LRIF1: variants seen among roughly 807,000 people sequenced by gnomAD.
LRIF1 encodes ligand-dependent nuclear receptor-interacting factor 1.
Under a neutral mutation model 52.7 loss-of-function variants are expected in LRIF1, and 32 were observed. The ratio of observed to expected loss-of-function variants is 0.61; its 90% CI spans 0.46 to 0.82. LRIF1 has a LOEUF of 0.82. Ranked by LOEUF, LRIF1 falls within the 40% of genes least tolerant of loss-of-function variation. LRIF1 has a pLI of 0.00. For synonymous variants in LRIF1, 323 were observed against 317.4 expected (o/e 1.02, Z -0.19); for missense variants, 887 against 892.0 (o/e 0.99, Z 0.07).
chr1:110,941,983 CTT>C, the LRIF1 span: 1 of 152,104 alleles, frequency 6.6e-6, no homozygotes, highest in Middle Eastern at 3.4e-3. Flanking sequence ...TATGGATACT[CTT>C]TTGTGCTTTG....
chr1:110,917,643 TTTTTG>T, the LRIF1 span, among the ~76,000 whole-genome samples: 43 of 86,342 alleles, frequency 5.0e-4, no homozygotes, highest in African/African-American at 8.3e-4. Context: ...TGTTTTTTTG[TTTTTG>T]TTTTTTTTTT....
chr1:110,954,330 G>C (rs532361646), intron 1 of LRIF1, among the ~76,000 whole-genome samples: 2 of 152,072 alleles, frequency 1.3e-5, no homozygotes, highest in Non-Finnish European at 2.9e-5. Flanking sequence ...ATCCAGACTG[G>C]AGTGTAGGTG....
chr1:110,886,869 A>ATCTATATTTT, the LRIF1 span, among the ~76,000 whole-genome samples: 1 of 82,800 alleles, frequency 1.2e-5, no homozygotes, highest in Non-Finnish European at 2.2e-5. Flanking sequence ...ATATATATAT[A>ATCTATATTTT]TTTTTTTTTT....
chr1:110,877,798 G>C, the LRIF1 span, among the ~76,000 whole-genome samples: 1 of 152,322 alleles, frequency 6.6e-6, no homozygotes, highest in African/African-American at 2.4e-5. Flanking sequence ...GAGAGTTGAT[G>C]CTTTGGCTTC....
the LRIF1 span, among the ~76,000 whole-genome samples, chr1:110,884,576 C>G: frequency 6.6e-6 from 1 of 152,094 alleles, no homozygotes; most frequent in African/African-American, 2.4e-5. Flanking sequence ...TCAAGTATAA[C>G]TTATACTTGT....
chr1:110,897,519 G>A, the LRIF1 span, among the ~76,000 whole-genome samples: 2 of 152,318 alleles, frequency 1.3e-5, no homozygotes, highest in African/African-American at 4.8e-5. Context: ...AAAGACAGTA[G>A]GACGTCGGTT....
At chr1:110,890,902 T>C in the LRIF1 span, among the ~76,000 whole-genome samples, 7,292 of 152,326 alleles carry the variant, frequency 0.048, 563 homozygotes, top group African/African-American at 0.17. Flanking sequence ...CGTGGATATG[T>C]TCCCCCTACT....
chr1:110,962,791 CTTAT>C (rs1659013558), intron 1 of LRIF1, among the ~76,000 whole-genome samples: 1 of 152,052 alleles, frequency 6.6e-6, no homozygotes, highest in South Asian at 2.1e-4. Flanking sequence ...TCTTCATTTT[CTTAT>C]TAGAGTCTGC....
chr1:110,943,111 A>C (rs1456813475), downstream of LRIF1, among the ~76,000 whole-genome samples: 1 of 152,204 alleles, frequency 6.6e-6, no homozygotes, highest in Non-Finnish European at 1.5e-5. Flanking sequence ...AACAAATTGC[A>C]GTGAAGACAA....
Position 110,963,636 on chromosome 1 carries a change from C to T in LRIF1, c.53G>A (p.Gly18Asp), listed in dbSNP as rs376985715. Residue 18 changes from glycine to aspartate, a missense_variant, in exon 1 of 4, where the codon GGC becomes GAC. Gly to Asp is a moderately conservative substitution (Grantham distance 94). Transcript: ENST00000369763. Reference protein sequence around the residue: ...VFLKPAEENSGNASRCVSGCM... With the variant: ...VFLKPAEENSDNASRCVSGCM... The stretch of plus-strand genomic sequence containing the variant: ...CGGTACTTACCAACGCGAGGCGTTG[C>T]CTGAATTTTCCTCTGCGGGTTTCAG... The T allele has an allele frequency of 1.7e-5, 28 of 1,609,338 alleles. No individual in the cohort carries two copies. Among genetic ancestry groups the T allele is most frequent in the Non-Finnish European group, 2.2e-5 (26 of 1,176,358 alleles).
chr1:110,890,973 A>G, the LRIF1 span, among the ~76,000 whole-genome samples: 1 of 152,278 alleles, frequency 6.6e-6, no homozygotes, highest in Non-Finnish European at 1.5e-5. Context: ...AGTATTTAAG[A>G]AACTGGCTGA....
chr1:110,918,754 G>A, the LRIF1 span, among the ~76,000 whole-genome samples: 1 of 152,078 alleles, frequency 6.6e-6, no homozygotes. Flanking sequence ...AGTCTTCATG[G>A]TACAGAAGTC....
chr1:110,890,303 A>G, the LRIF1 span, among the ~76,000 whole-genome samples: 1 of 152,222 alleles, frequency 6.6e-6, no homozygotes, highest in Non-Finnish European at 1.5e-5. Context: ...GCGGTAGCTC[A>G]TGCCTGTAAT....
chr1:110,948,678 T>C (rs970960332), intron 3 of LRIF1, among the ~76,000 whole-genome samples: 3 of 152,198 alleles, frequency 2.0e-5, no homozygotes, highest in Non-Finnish European at 4.4e-5. Context: ...TAATAGCACT[T>C]GTAAAGTGCC....
intron 2 of LRIF1, among the ~76,000 whole-genome samples, chr1:110,950,737 A>G (rs1346920011): frequency 6.6e-6 from 1 of 152,070 alleles, no homozygotes; most frequent in Non-Finnish European, 1.5e-5. Flanking sequence ...CAAAAAAAAA[A>G]TCAACCCATC....
the LRIF1 span, chr1:110,894,930 T>G: frequency 6.4e-7 from 1 of 1,557,678 alleles, no homozygotes; most frequent in East Asian, 2.2e-5. Context: ...CTTTTTACCA[T>G]GTCTCCTCTG....
chr1:110,925,094 C>T, the LRIF1 span, among the ~76,000 whole-genome samples: 1 of 152,142 alleles, frequency 6.6e-6, no homozygotes, highest in African/African-American at 2.4e-5. Flanking sequence ...GGTCACAGTA[C>T]ACAGATATTT....
chr1:110,879,076 C>T, the LRIF1 span, among the ~76,000 whole-genome samples: 963 of 151,936 alleles, frequency 6.3e-3, 12 homozygotes, highest in African/African-American at 0.022. Context: ...CTTTTTAAAA[C>T]GTATGAAACA....
chr1:110,962,439 T>C (rs1658999386), intron 1 of LRIF1, among the ~76,000 whole-genome samples: 1 of 152,196 alleles, frequency 6.6e-6, no homozygotes, highest in South Asian at 2.1e-4. Context: ...TTTTATAATA[T>C]TGCTTTTAAG....
Sources: allele counts gnomAD v4.1 joint callset (sites outside exome capture counted in the v4.1 genomes callset), GRCh38; gene constraint gnomAD v4.1.1; transcripts MANE v1.5; gene names NCBI Gene and HGNC (gene_info 2026-07-23, HGNC 2026-07-21).